The following RBM25 variants were observed in gnomAD, a reference collection of about 807,000 sequenced individuals.
RBM25 encodes RNA binding motif protein 25.
Under a neutral mutation model 120.7 loss-of-function variants are expected in RBM25, and 19 were observed. The observed-to-expected ratio is 0.16, with a 90% CI of 0.11 to 0.23. The LOEUF (loss-of-function observed/expected upper bound fraction) is 0.23, where lower values mean the gene tolerates loss of function less well. Among genes scored for constraint, RBM25 ranks in the 10% least tolerant of loss-of-function variants. The probability of loss-of-function intolerance (pLI) is 1.00; values close to 1 mark genes in which losing one functional copy is unlikely to be tolerated. For missense variants in RBM25, 605 were observed against 1,041.5 expected (o/e 0.58, Z 5.77); for synonymous variants, 390 against 326.7 (o/e 1.19, Z -2.09).
At chr14:73,080,503 G>A (rs565211564) in intron 4 of RBM25, among the ~76,000 whole-genome samples, 25 of 152,102 alleles carry the variant, frequency 1.6e-4, no homozygotes, top group Non-Finnish European at 2.9e-4. Flanking sequence ...GATTACAGGC[G>A]TGAGCCACCG....
At position 73,120,268 on chromosome 14, in the gene RBM25, G is replaced by A. The variant is rs1032457143; in HGVS notation, c.*463G>A. On this transcript the variant is annotated 3_prime_UTR_variant, in exon 19 of 19. Transcript: ENST00000261973. ...AATGGCAAGCCCTTGTGAAGGCATGGAGTTTAAAATTGGAATGCAAAAATT... is the reference window on the plus strand; with the variant it reads ...AATGGCAAGCCCTTGTGAAGGCATGAAGTTTAAAATTGGAATGCAAAAATT... 6.5e-6 allele frequency: 1 copy of A among 152,940 alleles called. No individual in the cohort carries two copies. Among genetic ancestry groups the A allele is most frequent in the African/African-American group, 2.4e-5 (1 of 41,460 alleles). 9.5% of individuals were successfully genotyped at this position (152,940 alleles called of 1,614,324 possible).
At chr14:73,100,652 A>G (rs972502587) in intron 9 of RBM25, 1 of 218,820 alleles carries the variant, frequency 4.6e-6, no homozygotes, top group African/African-American at 2.3e-5. Flanking sequence ...AACTCAGTGA[A>G]ATGTTAAATG....
intron 4 of RBM25, among the ~76,000 whole-genome samples, chr14:73,082,584 C>T (rs1012200731): frequency 1.3e-5 from 2 of 152,140 alleles, no homozygotes; most frequent in African/African-American, 2.4e-5. Flanking sequence ...AGCTACACCT[C>T]GCTGCTTTTA....
intron 3 of RBM25, among the ~76,000 whole-genome samples, chr14:73,076,761 G>A (rs1388531616): frequency 6.6e-6 from 1 of 152,188 alleles, no homozygotes; most frequent in East Asian, 1.9e-4. Context: ...ATTTTGAAAT[G>A]AAATTTGTGT....
Position 73,071,669 on chromosome 14 carries a change from C to G in RBM25, c.28C>G (p.Pro10Ala). Reference sequence around the variant, plus strand: ...GTCTTTTCCACCTCATTTGAATCGCCCTCCCATGGGAATCCCAGCACTCCC... The same window carrying G: ...GTCTTTTCCACCTCATTTGAATCGCGCTCCCATGGGAATCCCAGCACTCCC... MSFPPHLNR[P>A]PMGIPALPPG... The change falls in exon 2 of 19, where the codon CCT (proline) becomes GCT (alanine). Residue 10 changes from proline to alanine, a missense_variant. Physicochemically the swap from Pro to Ala is conservative, Grantham distance 27. Around this residue, in one of 4 missense-constraint regions of RBM25, gnomAD observed 90 missense variants for 107.3 expected, o/e 0.84. Coordinates refer to ENST00000261973, the MANE Select transcript of RBM25 (RefSeq NM_021239.3). 1 of 1,613,920 alleles carries G rather than the reference C, an allele frequency of 6.2e-7. No individual in the cohort carries two copies. The highest frequency in any genetic ancestry group is 8.5e-7 in the Non-Finnish European group (1 of 1,179,900).
rs1461265104 is a variant in RBM25 at position 73,063,086 on chromosome 14, C to T, written c.-16+4381C>T. Among the ~76,000 whole-genome samples, 3 of 151,170 alleles carry T rather than the reference C, an allele frequency of 2.0e-5. 1 individual carries two copies. The highest frequency in any genetic ancestry group is 4.4e-5 in the Non-Finnish European group (3 of 67,480). On this transcript the variant is annotated intron_variant, in intron 1 of 18. Coordinates refer to ENST00000261973, the MANE Select transcript of RBM25 (RefSeq NM_021239.3). ...ATCTGCATGCCTTGGCCTCCCAAAA[C>T]GCCGGGATTACAGGTATGAGCCACT... is the stretch of plus-strand genomic sequence containing the variant.
chr14:73,107,076 A>G (rs916582427), intron 12 of RBM25, among the ~76,000 whole-genome samples: 4 of 152,148 alleles, frequency 2.6e-5, no homozygotes, highest in African/African-American at 9.7e-5. Context: ...CCTGTCCTCA[A>G]ATGATCTGCC....
chr14:73,104,074 T>C (rs929898815), intron 10 of RBM25, among the ~76,000 whole-genome samples: 8 of 152,012 alleles, frequency 5.3e-5, no homozygotes, highest in Middle Eastern at 3.4e-3. Flanking sequence ...GAAGCCACTT[T>C]TTATAGAAAC....
chr14:73,069,770 AAAAAAAAAAGT>A (rs1373639660), intron 1 of RBM25: 5 of 139,496 alleles, frequency 3.6e-5, no homozygotes, highest in African/African-American at 1.4e-4. Context: ...AAAAAAAAAA[AAAAAAAAAAGT>A]GTGTTGCTGA....
intron 1 of RBM25, chr14:73,068,305 C>T: frequency 1.2e-6 from 1 of 800,578 alleles, no homozygotes; most frequent in Non-Finnish European, 2.2e-6. Context: ...CTTGTGAGTA[C>T]CAAAGGATTT....
chr14:73,112,057 C>G, intron 16 of RBM25, 95 bp from the exon 17 acceptor site: 1 of 1,211,034 alleles, frequency 8.3e-7, no homozygotes, highest in Non-Finnish European at 1.2e-6. Context: ...TGTGAAATAA[C>G]ATTATATTTT....
chr14:73,093,957 T>TTG (rs977040177), intron 6 of RBM25, among the ~76,000 whole-genome samples: 18 of 148,588 alleles, frequency 1.2e-4, no homozygotes, highest in African/African-American at 4.2e-4. Context: ...TGTTTTTTTT[T>TTG]TTTTTTTTTC....
At chr14:73,077,258 T>G in intron 3 of RBM25, 111 bp from the exon 4 acceptor site, 1 of 941,186 alleles carries the variant, frequency 1.1e-6, no homozygotes, top group South Asian at 2.0e-5. Context: ...CATGCAGAGC[T>G]TAAATAATGT....
At chr14:73,100,676 T>C (rs1475913839) in intron 9 of RBM25, 3 of 184,960 alleles carry the variant, frequency 1.6e-5, no homozygotes, top group Non-Finnish European at 3.3e-5. Context: ...ATTTTCTCTT[T>C]TATTCTTACT....
chr14:73,065,785 C>T (rs1382417020), intron 1 of RBM25, among the ~76,000 whole-genome samples: 4 of 151,474 alleles, frequency 2.6e-5, no homozygotes, highest in Non-Finnish European at 5.9e-5. Flanking sequence ...GAACTCCTGA[C>T]CTCCAGTGAT....
chr14:73,103,269 G>C lies in RBM25; in HGVS notation c.945G>C (p.Glu315Asp). ...IEKERRERER[E>D]RERERERRER... Reference sequence around the variant, plus strand: ...AAGAACGGAGAGAAAGAGAGAGGGAGCGTGAAAGGGAACGAGAAAGGCGAG... The same window carrying C: ...AAGAACGGAGAGAAAGAGAGAGGGACCGTGAAAGGGAACGAGAAAGGCGAG... The change falls in exon 10 of 19, where the codon GAG becomes GAC. Residue 315 changes from glutamate (E) to aspartate (D), a missense_variant. Physicochemically the swap from Glu to Asp is conservative, Grantham distance 45. This residue lies in a region of RBM25 where 465 missense variants were observed against 741.6 expected (regional missense o/e 0.63). Transcript: ENST00000261973. The C allele has an allele frequency of 6.3e-7, 1 of 1,594,782 alleles. No individual in the cohort carries two copies. The highest frequency in any genetic ancestry group is 1.1e-5 in the South Asian group (1 of 89,340).
intron 3 of RBM25, among the ~76,000 whole-genome samples, chr14:73,077,059 C>T (rs571917067): frequency 2.3e-4 from 35 of 152,264 alleles, no homozygotes; most frequent in African/African-American, 5.8e-4. Flanking sequence ...CCAGCCTGGG[C>T]GACAGAGCGA....
intron 6 of RBM25, among the ~76,000 whole-genome samples, chr14:73,095,230 T>C (rs1383906178): frequency 6.6e-6 from 1 of 152,210 alleles, no homozygotes; most frequent in African/African-American, 2.4e-5. Flanking sequence ...TACTCTGTAG[T>C]GATACAGCTT....
chr14:73,114,245 TTTTA>T (rs1162837964), intron 17 of RBM25, 37 bp from the exon 18 acceptor site: 1 of 1,401,566 alleles, frequency 7.1e-7, no homozygotes, highest in South Asian at 1.4e-5. Flanking sequence ...ATTGTTAATT[TTTTA>T]TTTATTTTTA....
Sources: gnomAD v4.1 joint callset for allele counts (sites outside exome capture counted in the v4.1 genomes callset) on GRCh38, gnomAD v4.1.1 for gene constraint, gnomAD v4.1.1 regional missense constraint, MANE v1.5 for transcripts, NCBI Gene and HGNC (gene_info 2026-07-23, HGNC 2026-07-21) for gene names.